The following RNF216 variants were observed in gnomAD, a reference collection of about 807,000 sequenced individuals.
RNF216 encodes E3 ubiquitin-protein ligase RNF216.
In RNF216, 72 loss-of-function variants were observed where a neutral mutation model predicts 110.8. That is an observed-to-expected ratio of 0.65 (90% CI 0.54 to 0.79). The LOEUF is 0.79. Among genes scored for constraint, RNF216 ranks in the 30% least tolerant of loss-of-function variants. The pLI is 0.00. For synonymous variants in RNF216, 495 were observed against 407.5 expected (o/e 1.21, Z -2.59); for missense variants, 1,342 against 1,141.2 (o/e 1.18, Z -2.54).
At chr7:5,717,798 T>C (rs1793157259) in intron 9 of RNF216, among the ~76,000 whole-genome samples, 1 of 152,146 alleles carries the variant, frequency 6.6e-6, no homozygotes, top group Admixed American at 6.5e-5. Context: ...TTAAATTATT[T>C]ATGAGACAGA....
At chr7:5,633,015 T>C (rs923572367) in intron 15 of RNF216, among the ~76,000 whole-genome samples, 1 of 151,896 alleles carries the variant, frequency 6.6e-6, no homozygotes, top group African/African-American at 2.4e-5. Context: ...AGTCGTGCTC[T>C]ATCGCCCAGG....
intron 5 of RNF216, among the ~76,000 whole-genome samples, chr7:5,736,781 G>A (rs1794438337): frequency 6.6e-6 from 1 of 152,080 alleles, no homozygotes. Flanking sequence ...GACCCCATCT[G>A]GGAGGTGAGC....
At chr7:5,768,535 C>T (rs1336757041) in intron 1 of RNF216, among the ~76,000 whole-genome samples, 2 of 152,052 alleles carry the variant, frequency 1.3e-5, no homozygotes, top group African/African-American at 2.4e-5. Flanking sequence ...TGTATGAGAA[C>T]ATTCACAAAA....
At chr7:5,770,773 G>C (rs1024062380) in intron 1 of RNF216, among the ~76,000 whole-genome samples, 1 of 151,480 alleles carries the variant, frequency 6.6e-6, no homozygotes, top group African/African-American at 2.4e-5. Context: ...AAGAAAAACA[G>C]ACCAATGGAA....
At position 5,652,452 on chromosome 7, in the gene RNF216, T is replaced by A; in HGVS notation, c.2120A>T (p.Glu707Val). The change falls in exon 14 of 17, where the codon GAG (glutamate) becomes GTG (valine). Residue 707 changes from glutamate to valine, a missense_variant. Coordinates refer to ENST00000389902, the MANE Select transcript of RNF216 (RefSeq NM_207111.4). The part of the protein sequence containing the change: ...WKEHNGLTCE[E>V]LAEKDDIKYR... ...CTTGATGTCGTCTTTTTCAGCCAGC[T>A]CTTCACAGGTGAGGCCATTATGTTC... 6.2e-7 allele frequency: 1 copy of A among 1,613,944 alleles called. No homozygotes were observed. The highest frequency in any genetic ancestry group is 8.5e-7 in the Non-Finnish European group (1 of 1,179,842).
intron 2 of RNF216, among the ~76,000 whole-genome samples, chr7:5,760,239 G>C (rs112521703): frequency 0.058 from 8,799 of 152,178 alleles, 396 homozygotes; most frequent in African/African-American, 0.11. Context: ...AGAACAGTCT[G>C]GGTGCAGTGG....
intron 1 of RNF216, among the ~76,000 whole-genome samples, chr7:5,768,452 G>A (rs924453252): frequency 6.2e-5 from 9 of 146,018 alleles, no homozygotes; most frequent in Non-Finnish European, 1.3e-4. Flanking sequence ...GGATAGACTT[G>A]AACAGTACTA....
chr7:5,670,647 T>C (rs1789844197), intron 13 of RNF216, among the ~76,000 whole-genome samples: 1 of 152,136 alleles, frequency 6.6e-6, no homozygotes, highest in South Asian at 2.1e-4. Flanking sequence ...CATTAGTTTC[T>C]TCATGTCCGA....
chr7:5,739,454 T>TA (rs2128651540), intron 4 of RNF216, 102 bp from the exon 5 acceptor site: 1 of 1,153,532 alleles, frequency 8.7e-7, no homozygotes, highest in South Asian at 1.3e-5. Flanking sequence ...GACTAAAGAC[T>TA]AGAAAAGGGC....
intron 13 of RNF216, among the ~76,000 whole-genome samples, chr7:5,663,729 C>T (rs924822376): frequency 1.3e-5 from 2 of 148,316 alleles, no homozygotes; most frequent in Non-Finnish European, 3.0e-5. Flanking sequence ...TGAACCCTGT[C>T]TCTACTAAAA....
At chr7:5,653,823 G>C (rs1048653401) in intron 13 of RNF216, among the ~76,000 whole-genome samples, 2 of 152,230 alleles carry the variant, frequency 1.3e-5, no homozygotes, top group South Asian at 2.1e-4. Context: ...GGCGAAAACA[G>C]ATCAACACTC....
At position 5,739,364 on chromosome 7, in the gene RNF216, TAAG is replaced by T; in HGVS notation, c.1045-15_1045-13del. On this transcript the variant is annotated splice_polypyrimidine_tract_variant and intron_variant, in intron 4 of 16. Transcript: ENST00000389902. ...GGAAATCTTGCTTCCTAGAAACAAA[TAAG>T]AACATAATTTATATTTCATTCACTA... 6.3e-7 allele frequency: 1 copy of T among 1,587,746 alleles called. No individual in the cohort carries two copies. Among genetic ancestry groups the T allele is most frequent in the Non-Finnish European group, 8.5e-7 (1 of 1,169,900 alleles).
At chr7:5,694,112 G>A (rs989194305) in intron 13 of RNF216, among the ~76,000 whole-genome samples, 1 of 152,178 alleles carries the variant, frequency 6.6e-6, no homozygotes, top group South Asian at 2.1e-4. Context: ...CTCTTTGATA[G>A]ATCAAGATAG....
At chr7:5,760,472 C>T (rs7794953) in intron 2 of RNF216, 18 of 375,178 alleles carry the variant, frequency 4.8e-5, no homozygotes, top group Admixed American at 1.7e-4. Context: ...GTCGAGATTA[C>T]GCCATTGCAC....
chr7:5,739,625 T>C, intron 4 of RNF216: 1 of 538,564 alleles, frequency 1.9e-6, no homozygotes, highest in South Asian at 1.5e-5. Flanking sequence ...AGCATCTCTG[T>C]CTAGACAAAG....
At chr7:5,749,812 C>G (rs1397765349) in intron 3 of RNF216, among the ~76,000 whole-genome samples, 3 of 152,132 alleles carry the variant, frequency 2.0e-5, no homozygotes, top group African/African-American at 7.2e-5. Flanking sequence ...ATTTGTGTAA[C>G]TGCTAACCAA....
At chr7:5,665,892 G>A (rs560973821) in intron 13 of RNF216, among the ~76,000 whole-genome samples, 7 of 152,158 alleles carry the variant, frequency 4.6e-5, no homozygotes, top group Admixed American at 6.5e-5. Flanking sequence ...AAGGCCGGGC[G>A]CGGTAGCTCA....
intron 13 of RNF216, chr7:5,666,814 C>CTT (rs762672429): frequency 0.16 from 21,190 of 135,436 alleles, 2,445 homozygotes; most frequent in African/African-American, 0.31. Flanking sequence ...ACAGCAATGA[C>CTT]TTTTTTTTTT....
At chr7:5,663,218 G>A (rs1432423034) in intron 13 of RNF216, among the ~76,000 whole-genome samples, 4 of 152,064 alleles carry the variant, frequency 2.6e-5, no homozygotes, top group African/African-American at 9.7e-5. Context: ...CGCTCCTTGC[G>A]GCAAAGATGA....
Sources: gnomAD v4.1 joint callset for allele counts (sites outside exome capture counted in the v4.1 genomes callset) on GRCh38, gnomAD v4.1.1 for gene constraint, MANE v1.5 for transcripts, NCBI Gene and HGNC (gene_info 2026-07-23, HGNC 2026-07-21) for gene names.